DCC: variants seen among roughly 807,000 people sequenced by gnomAD.
DCC encodes the protein netrin receptor DCC.
A neutral mutation model predicts 172.5 loss-of-function variants in DCC; 58 were observed. The observed-to-expected ratio is 0.34, with a 90% CI of 0.27 to 0.42. The LOEUF (loss-of-function observed/expected upper bound fraction) is 0.42, where lower values mean the gene tolerates loss of function less well. Among genes scored for constraint, DCC ranks in the 10% least tolerant of loss-of-function variants. The probability of loss-of-function intolerance (pLI) is 1.00; values close to 1 mark genes in which losing one functional copy is unlikely to be tolerated. For synonymous variants in DCC, 709 were observed against 644.5 expected, an observed-to-expected ratio of 1.10 and a Z score of -1.52; for missense variants, 1,740 against 1,791.0, an observed-to-expected ratio of 0.97 and a Z score of 0.51.
chr18:53,269,225 C>T (rs2144701998), intron 12 of DCC, among the ~76,000 whole-genome samples: 1 of 152,124 alleles, frequency 6.6e-6, no homozygotes, highest in South Asian at 2.1e-4. Flanking sequence ...TATTTATTTG[C>T]TATAAAATGA....
chr18:53,397,924 G>C (rs546959576), intron 18 of DCC, among the ~76,000 whole-genome samples: 2 of 152,148 alleles, frequency 1.3e-5, no homozygotes, highest in African/African-American at 4.8e-5. Flanking sequence ...TTTCCAGGTG[G>C]TTTTGTTCAC....
intron 12 of DCC, among the ~76,000 whole-genome samples, chr18:53,260,137 C>T (rs1265005358): frequency 6.6e-6 from 1 of 152,004 alleles, no homozygotes; most frequent in African/African-American, 2.4e-5. Context: ...ACTTCTTTGC[C>T]ATGGGTTCGA....
At chr18:52,866,975 C>T (rs1011313876) in intron 2 of DCC, among the ~76,000 whole-genome samples, 16 of 152,328 alleles carry the variant, frequency 1.1e-4, no homozygotes, top group African/African-American at 3.6e-4. Flanking sequence ...AAAGGGAATG[C>T]TTCCAGCTTT....
At chr18:53,466,127 G>C (rs1284073231) in intron 24 of DCC, among the ~76,000 whole-genome samples, 1 of 151,946 alleles carries the variant, frequency 6.6e-6, no homozygotes, top group Non-Finnish European at 1.5e-5. Flanking sequence ...TTAGAGATGG[G>C]GTCTCACTGT....
intron 7 of DCC, among the ~76,000 whole-genome samples, chr18:53,093,832 T>C (rs536954118): frequency 4.6e-5 from 7 of 152,306 alleles, no homozygotes; most frequent in African/African-American, 1.7e-4. Context: ...CAGATTTGTA[T>C]TCAGCGATAA....
intron 1 of DCC, among the ~76,000 whole-genome samples, chr18:52,372,430 G>C (rs540389645): frequency 2.0e-5 from 3 of 152,166 alleles, no homozygotes; most frequent in Admixed American, 1.3e-4. Context: ...GGCACTCCCT[G>C]TACACTGGGA....
intron 5 of DCC, among the ~76,000 whole-genome samples, chr18:53,003,692 AAGG>A (rs2041601296): frequency 6.6e-6 from 1 of 151,922 alleles, no homozygotes; most frequent in South Asian, 2.1e-4. Flanking sequence ...TAGGGAGGAA[AAGG>A]AGACTTTTCC....
intron 1 of DCC, among the ~76,000 whole-genome samples, chr18:52,504,379 T>A (rs2031148202): frequency 6.6e-6 from 1 of 152,270 alleles, no homozygotes; most frequent in East Asian, 1.9e-4. Flanking sequence ...AACTAGTGAC[T>A]GGCTAGTACT....
intron 4 of DCC, among the ~76,000 whole-genome samples, chr18:52,924,581 G>C (rs1009486678): frequency 3.3e-5 from 5 of 151,970 alleles, no homozygotes; most frequent in African/African-American, 1.2e-4. Context: ...CTGATGAAAT[G>C]GATCTTACTT....
chr18:53,044,268 T>G (rs6508188), intron 5 of DCC, among the ~76,000 whole-genome samples: 96,535 of 151,554 alleles, frequency 0.64, 31,616 homozygotes, highest in African/African-American at 0.74. Flanking sequence ...TTTTTTGGTT[T>G]GGAAAAAAGA....
chr18:53,086,129 C>T lies in DCC; in HGVS notation c.1261+19963C>T, dbSNP rs1166526573. The stretch of plus-strand genomic sequence containing the variant: ...TCCTCCTCCTCCTCCTCCTCCTCCT[C>T]CTCCTCCTCCTCCTCCTCCTCCTCT... On this transcript the variant is annotated intron_variant, in intron 7 of 28. Coordinates refer to ENST00000442544, the MANE Select transcript of DCC (RefSeq NM_005215.4). Among the ~76,000 whole-genome samples, 4 of 23,144 alleles carry T rather than the reference C, an allele frequency of 1.7e-4. 2 individuals carry two copies. In the African/African-American group the frequency reaches 2.5e-3, roughly 15 times the overall value. The allele number at this position is 23,144 out of a possible 152,430, so 15.2% of individuals were successfully genotyped here.
chr18:52,643,968 T>TC (rs67479377), intron 1 of DCC, among the ~76,000 whole-genome samples: 4,751 of 151,754 alleles, frequency 0.031, 123 homozygotes, highest in Admixed American at 0.078. Flanking sequence ...GTTTTTTTTT[T>TC]CTTCCTCTTC....
intron 1 of DCC, among the ~76,000 whole-genome samples, chr18:52,478,112 T>C (rs1989146663): frequency 6.6e-6 from 1 of 152,186 alleles, no homozygotes; most frequent in Admixed American, 6.5e-5. Flanking sequence ...GTCCGGTCCC[T>C]GGTCTATATG....
At chr18:52,344,257 G>A (rs1598849209) in intron 1 of DCC, among the ~76,000 whole-genome samples, 1 of 152,180 alleles carries the variant, frequency 6.6e-6, no homozygotes, top group Non-Finnish European at 1.5e-5. Context: ...TCTGCTGAAA[G>A]TTTCTGCTAG....
intron 1 of DCC, among the ~76,000 whole-genome samples, chr18:52,426,135 T>C (rs1987416395): frequency 6.6e-6 from 1 of 152,024 alleles, no homozygotes; most frequent in African/African-American, 2.4e-5. Flanking sequence ...GAAACAGCTT[T>C]CAACAAGCAG....
chr18:52,760,287 C>G (rs147728598), intron 2 of DCC, among the ~76,000 whole-genome samples: 4,179 of 152,230 alleles, frequency 0.027, 86 homozygotes, highest in Non-Finnish European at 0.041. Flanking sequence ...CTCATGAGAA[C>G]TCACTATCAT....
intron 2 of DCC, among the ~76,000 whole-genome samples, chr18:52,795,111 C>T (rs1173637004): frequency 6.6e-6 from 1 of 151,758 alleles, no homozygotes; most frequent in African/African-American, 2.4e-5. Flanking sequence ...AAATCTTTGT[C>T]TGGTGTTGGT....
chr18:53,323,784 G>A (rs1283272547), intron 14 of DCC, among the ~76,000 whole-genome samples: 1 of 152,006 alleles, frequency 6.6e-6, no homozygotes, highest in Non-Finnish European at 1.5e-5. Flanking sequence ...ATAAGAATTA[G>A]GTATGCAAAA....
At chr18:52,733,727 C>T (rs2036681940) in intron 1 of DCC, among the ~76,000 whole-genome samples, 1 of 151,976 alleles carries the variant, frequency 6.6e-6, no homozygotes, top group Non-Finnish European at 1.5e-5. Flanking sequence ...AACTCCTAGC[C>T]TCAAGCAGTC....
Sources: gnomAD v4.1 joint callset for allele counts (sites outside exome capture counted in the v4.1 genomes callset) on GRCh38, gnomAD v4.1.1 for gene constraint, MANE v1.5 for transcripts, NCBI Gene and HGNC (gene_info 2026-07-23, HGNC 2026-07-21) for gene names.